The following FLVCR1 variants were observed in gnomAD, a reference collection of about 807,000 sequenced individuals.
FLVCR1 encodes the protein choline/ethanolamine transporter FLVCR1.
Under a neutral mutation model 53.6 loss-of-function variants are expected in FLVCR1, and 34 were observed. The observed-to-expected ratio is 0.63, with a 90% CI of 0.48 to 0.84. The LOEUF (loss-of-function observed/expected upper bound fraction) is 0.84. FLVCR1 is among the 40% of genes least tolerant of loss of function. FLVCR1 has a pLI of 0.00. For synonymous variants in FLVCR1, 300 were observed against 286.3 expected, an observed-to-expected ratio of 1.05 and a Z score of -0.48; for missense variants, 677 against 696.7, an observed-to-expected ratio of 0.97 and a Z score of 0.32.
chr1:212,867,090 A>G (rs1287544839), intron 2 of FLVCR1, among the ~76,000 whole-genome samples: 1 of 152,248 alleles, frequency 6.6e-6, no homozygotes. Context: ...TCCTCATAAA[A>G]TAATTTAATT....
intron 1 of FLVCR1, among the ~76,000 whole-genome samples, chr1:212,861,565 C>G (rs1222521022): frequency 1.3e-5 from 2 of 152,088 alleles, no homozygotes; most frequent in African/African-American, 4.8e-5. Context: ...CGTGGTCTCC[C>G]CAGTCTTGGC....
chr1:212,883,494 T>A, intron 4 of FLVCR1, 56 bp downstream of exon 4: 1 of 954,682 alleles, frequency 1.0e-6, no homozygotes, highest in Non-Finnish European at 1.7e-6. Context: ...TCTTTAGCAA[T>A]ATAATTGTCG....
chr1:212,895,076 T>C (rs1276972449), intron 9 of FLVCR1, 23 bp downstream of exon 9: 12 of 1,431,228 alleles, frequency 8.4e-6, no homozygotes, highest in Non-Finnish European at 8.9e-6. Context: ...TTTATGATTA[T>C]ACTGTTGAGA....
rs1189460003 is a variant in FLVCR1, at chr1:212,858,821, T to A, written c.369T>A (p.Phe123Leu). 1.2e-6 allele frequency: 2 copies of A among 1,614,184 alleles called. No individual in the cohort carries two copies. Among genetic ancestry groups the A allele is most frequent in the Non-Finnish European group, 1.7e-6 (2 of 1,180,016 alleles). The change falls in exon 1 of 10, where the codon TTT (phenylalanine) becomes TTA (leucine). Residue 123 changes from phenylalanine to leucine, a missense_variant. Coordinates refer to ENST00000366971, the MANE Select transcript of FLVCR1 (RefSeq NM_014053.4). ...GCCTGTACTCGCTGGTCAACGCCTT[T>A]CAGTGGATCCAGTACAGCATCATTA... Reference protein sequence around the residue: ...IFSLYSLVNAFQWIQYSIISN... With the variant: ...IFSLYSLVNALQWIQYSIISN...
intron 3 of FLVCR1, among the ~76,000 whole-genome samples, chr1:212,874,770 G>A (rs1416211208): frequency 1.3e-5 from 2 of 151,796 alleles, no homozygotes; most frequent in Non-Finnish European, 2.9e-5. Context: ...CTTGTGATCT[G>A]CCTACCTTGG....
chr1:212,889,755 CAAAA>C (rs386369572), intron 8 of FLVCR1, among the ~76,000 whole-genome samples: 4 of 111,604 alleles, frequency 3.6e-5, no homozygotes, highest in Non-Finnish European at 7.0e-5. Context: ...GACTCTGTCT[CAAAA>C]AAAAAAAAAA....
chr1:212,865,978 TTGG>T lies in FLVCR1; in HGVS notation c.883+2111_883+2113del, dbSNP rs1357520828. Among the ~76,000 whole-genome samples, 3 of 45,604 alleles carry T rather than the reference TTGG, an allele frequency of 6.6e-5. 1 individual carries two copies. The highest frequency in any genetic ancestry group is 1.8e-4 in the Non-Finnish European group (3 of 16,630). The allele number at this position is 45,604 out of a possible 152,430, so 29.9% of individuals were successfully genotyped here. On this transcript the variant is annotated intron_variant, in intron 2 of 9. Transcript: ENST00000366971. ...CAGGCATTTGGCTAATTTTTGGGGTTTGGTTTTTTTTTTTTTTTTTTTTTGAGA... is the reference window on the plus strand; with the variant it reads ...CAGGCATTTGGCTAATTTTTGGGGTTTTTTTTTTTTTTTTTTTTTTTGAGA...
chr1:212,883,735 CA>C (rs1454757519), intron 4 of FLVCR1, among the ~76,000 whole-genome samples: 4 of 151,744 alleles, frequency 2.6e-5, no homozygotes, highest in African/African-American at 9.7e-5. Flanking sequence ...CTGAAGAAAG[CA>C]GAAACAAGGA....
intron 2 of FLVCR1, among the ~76,000 whole-genome samples, chr1:212,871,176 T>G (rs993868088): frequency 7.9e-5 from 12 of 152,200 alleles, no homozygotes; most frequent in African/African-American, 2.9e-4. Context: ...ATCTAACATT[T>G]GTGGTAATTG....
intron 3 of FLVCR1, among the ~76,000 whole-genome samples, chr1:212,874,889 C>T (rs1023414946): frequency 3.3e-5 from 5 of 149,630 alleles, no homozygotes; most frequent in Non-Finnish European, 7.4e-5. Context: ...CTTTCAGCCA[C>T]ACTTATAACC....
At chr1:212,890,833 A>G (rs1441963681) in intron 8 of FLVCR1, among the ~76,000 whole-genome samples, 1 of 152,204 alleles carries the variant, frequency 6.6e-6, no homozygotes, top group Non-Finnish European at 1.5e-5. Context: ...CTCACCAGTG[A>G]TAGACATTTT....
intron 1 of FLVCR1, among the ~76,000 whole-genome samples, chr1:212,861,661 ATTT>A (rs1664243567): frequency 6.6e-6 from 1 of 151,200 alleles, no homozygotes; most frequent in Admixed American, 6.6e-5. Context: ...TTTTTGTTTT[ATTT>A]TTATTTATTT....
intron 2 of FLVCR1, among the ~76,000 whole-genome samples, chr1:212,866,349 G>A (rs1664428693): frequency 1.3e-5 from 2 of 152,008 alleles, no homozygotes; most frequent in South Asian, 4.1e-4. Flanking sequence ...TCGAACTCCT[G>A]ACCTCAAATG....
At position 212,860,350 on chromosome 1, in the gene FLVCR1, G is replaced by GTTTTTTTTTTTTTTTTTTTTTTTTTT; in HGVS notation, c.738+1178_738+1179insTTTTTTTTTTTTTTTTTTTTTTTTTT. Reference sequence around the variant, plus strand: ...TATTATAAAGTTTTTTGTGTGTGTGGTTTTTTTTTTTTTTTTTTGTAGAAA... The same window carrying GTTTTTTTTTTTTTTTTTTTTTTTTTT: ...TATTATAAAGTTTTTTGTGTGTGTGGTTTTTTTTTTTTTTTTTTTTTTTTTTTTTTTTTTTTTTTTTTTTGTAGAAA... On this transcript the variant is annotated intron_variant, in intron 1 of 9. Transcript: ENST00000366971. Among the ~76,000 whole-genome samples the GTTTTTTTTTTTTTTTTTTTTTTTTTT allele has an allele frequency of 2.4e-3, 209 of 85,816 alleles. 35 individuals carry two copies. Among genetic ancestry groups the GTTTTTTTTTTTTTTTTTTTTTTTTTT allele is most frequent in the Middle Eastern group, 6.8e-3 (1 of 148 alleles). 56.3% of individuals were successfully genotyped at this position (85,816 alleles called of 152,430 possible). A position where few individuals can be genotyped will look rare whatever the true frequency, so the allele number is the denominator to read the frequency against.
At chr1:212,884,588 T>G (rs1665010254) in intron 4 of FLVCR1, among the ~76,000 whole-genome samples, 1 of 152,210 alleles carries the variant, frequency 6.6e-6, no homozygotes. Flanking sequence ...GTATCTGCTT[T>G]TGAAAGGATA....
At chr1:212,873,321 TAAAAGAAAG>T in intron 3 of FLVCR1, among the ~76,000 whole-genome samples, 1 of 150,062 alleles carries the variant, frequency 6.7e-6, no homozygotes, top group South Asian at 2.1e-4. Flanking sequence ...AAAAAAAAAA[TAAAAGAAAG>T]AAAAGAAAAG....
At chr1:212,890,698 T>G (rs1447643027) in intron 8 of FLVCR1, among the ~76,000 whole-genome samples, 1 of 152,194 alleles carries the variant, frequency 6.6e-6, no homozygotes, top group Non-Finnish European at 1.5e-5. Flanking sequence ...TTGATCTGGT[T>G]ATAACTTAGT....
rs1190808956 is a variant in FLVCR1 at position 212,858,298 on chromosome 1, A to G, written c.-155A>G. 4 of 711,726 alleles carry G rather than the reference A, an allele frequency of 5.6e-6. No individual in the cohort carries two copies. Among genetic ancestry groups the G allele is most frequent in the Non-Finnish European group, 8.7e-6 (4 of 458,386 alleles). The allele number at this position is 711,726 out of a possible 1,614,324, so 44.1% of individuals were successfully genotyped here. A position where few individuals can be genotyped will look rare whatever the true frequency, so the allele number is the denominator to read the frequency against. ...GGAGACCTTCATCTGTTCACGCGGTAGCGCGGATTGCGGTTCGCGGCGCGC... is the reference window on the plus strand; with the variant it reads ...GGAGACCTTCATCTGTTCACGCGGTGGCGCGGATTGCGGTTCGCGGCGCGC... On this transcript the variant is annotated 5_prime_UTR_variant, in exon 1 of 10. Coordinates refer to ENST00000366971, the MANE Select transcript of FLVCR1 (RefSeq NM_014053.4).
intron 1 of FLVCR1, among the ~76,000 whole-genome samples, chr1:212,861,002 G>A (rs544298508): frequency 2.0e-5 from 3 of 152,154 alleles, no homozygotes; most frequent in Admixed American, 2.0e-4. Flanking sequence ...CTCTGTTCTC[G>A]CATTCATCCA....
Sources: allele counts gnomAD v4.1 joint callset (sites outside exome capture counted in the v4.1 genomes callset), GRCh38; gene constraint gnomAD v4.1.1; transcripts MANE v1.5; gene names NCBI Gene and HGNC (gene_info 2026-07-23, HGNC 2026-07-21).